Variants in NLGN1 observed in about 807,000 individuals in gnomAD.
NLGN1 encodes neuroligin-1.
In NLGN1, 12 loss-of-function variants were observed where a neutral mutation model predicts 65.5. The ratio of observed to expected loss-of-function variants is 0.18; its 90% CI spans 0.12 to 0.30. NLGN1 has a LOEUF of 0.30. Among genes scored for constraint, NLGN1 ranks in the 10% least tolerant of loss-of-function variants. NLGN1 has a pLI of 1.00. For missense variants in NLGN1, 750 were observed against 1,007.1 expected, an observed-to-expected ratio of 0.74 and a Z score of 3.46; for synonymous variants, 350 against 359.5, an observed-to-expected ratio of 0.97 and a Z score of 0.30.
At chr3:173,603,548 T>C (rs1045559242) in intron 2 of NLGN1, among the ~76,000 whole-genome samples, 2 of 152,122 alleles carry the variant, frequency 1.3e-5, no homozygotes, top group African/African-American at 2.4e-5. Context: ...CTATAATATA[T>C]AGCAAGATGG....
intron 4 of NLGN1, among the ~76,000 whole-genome samples, chr3:174,215,967 C>T (rs1423481510): frequency 6.6e-6 from 1 of 152,068 alleles, no homozygotes; most frequent in African/African-American, 2.4e-5. Flanking sequence ...GCTCCCTCTT[C>T]AACAGTCAAA....
intron 4 of NLGN1, among the ~76,000 whole-genome samples, chr3:174,044,389 G>GTTTTA (rs1257119143): frequency 6.6e-6 from 1 of 152,054 alleles, no homozygotes; most frequent in Admixed American, 6.6e-5. Context: ...ACCTTCCAAA[G>GTTTTA]TTTTATGCTC....
chr3:173,979,432 A>G (rs1392299764), intron 4 of NLGN1, among the ~76,000 whole-genome samples: 2 of 152,186 alleles, frequency 1.3e-5, no homozygotes, highest in African/African-American at 4.8e-5. Flanking sequence ...CAAGGTGAGC[A>G]CAAGGTGAAA....
chr3:173,930,927 G>A (rs1743970210), intron 4 of NLGN1, among the ~76,000 whole-genome samples: 1 of 152,130 alleles, frequency 6.6e-6, no homozygotes, highest in African/African-American at 2.4e-5. Flanking sequence ...CCTATAAAGA[G>A]AAAATAGTAC....
intron 2 of NLGN1, among the ~76,000 whole-genome samples, chr3:173,564,776 T>C (rs1743353359): frequency 6.6e-6 from 1 of 152,254 alleles, no homozygotes; most frequent in African/African-American, 2.4e-5. Flanking sequence ...GTTGTTATTA[T>C]AGCCTAACTG....
intron 4 of NLGN1, among the ~76,000 whole-genome samples, chr3:173,935,625 C>CTT (rs1238969347): frequency 3.0e-5 from 2 of 65,778 alleles, no homozygotes; most frequent in African/African-American, 7.4e-5. Context: ...CACACACACT[C>CTT]TCTCTCTCTC....
At chr3:173,448,000 T>C (rs1173800235) in intron 2 of NLGN1, among the ~76,000 whole-genome samples, 2 of 152,230 alleles carry the variant, frequency 1.3e-5, no homozygotes, top group Admixed American at 1.3e-4. Flanking sequence ...AATCATGTCA[T>C]CTGCAAACAG....
chr3:173,864,110 C>A (rs368106076), intron 4 of NLGN1, among the ~76,000 whole-genome samples: 44 of 152,220 alleles, frequency 2.9e-4, no homozygotes, highest in African/African-American at 1.0e-3. Context: ...CAATAATGGA[C>A]TGTTGAATGG....
chr3:173,655,036 T>G (rs1457459759), intron 3 of NLGN1, among the ~76,000 whole-genome samples: 1 of 152,170 alleles, frequency 6.6e-6, no homozygotes, highest in Non-Finnish European at 1.5e-5. Context: ...CATTATAGTT[T>G]TCTATGAGTA....
At chr3:174,036,251 A>G (rs942400948) in intron 4 of NLGN1, among the ~76,000 whole-genome samples, 7 of 152,190 alleles carry the variant, frequency 4.6e-5, no homozygotes, top group Non-Finnish European at 7.3e-5. Flanking sequence ...TTTTATCCAT[A>G]TTAGTTTTAT....
chr3:173,924,953 A>G (rs1312432818), intron 4 of NLGN1, among the ~76,000 whole-genome samples: 1 of 152,186 alleles, frequency 6.6e-6, no homozygotes, highest in African/African-American at 2.4e-5. Flanking sequence ...AAATATTTAC[A>G]GTATTACCTT....
At chr3:173,832,319 C>G (rs1722752874) in intron 4 of NLGN1, among the ~76,000 whole-genome samples, 2 of 152,152 alleles carry the variant, frequency 1.3e-5, no homozygotes, top group African/African-American at 4.8e-5. Flanking sequence ...CACAAAATTT[C>G]TCATGTTTCT....
intron 2 of NLGN1, among the ~76,000 whole-genome samples, chr3:173,586,923 C>G (rs1005922421): frequency 4.6e-5 from 7 of 152,196 alleles, no homozygotes; most frequent in Admixed American, 3.9e-4. Flanking sequence ...AAAGTTTAAA[C>G]GGATTTTAAA....
intron 4 of NLGN1, among the ~76,000 whole-genome samples, chr3:174,226,430 T>C (rs1366054440): frequency 6.6e-6 from 1 of 152,094 alleles, no homozygotes; most frequent in Non-Finnish European, 1.5e-5. Context: ...TCCAGTTGTT[T>C]TGGGGGTTGT....
intron 4 of NLGN1, among the ~76,000 whole-genome samples, chr3:173,982,514 G>C (rs921133967): frequency 6.6e-6 from 1 of 152,112 alleles, no homozygotes; most frequent in Non-Finnish European, 1.5e-5. Flanking sequence ...TAGATAAGGA[G>C]CCAGAGTATA....
At chr3:174,112,905 A>G (rs1715554611) in intron 4 of NLGN1, among the ~76,000 whole-genome samples, 1 of 151,924 alleles carries the variant, frequency 6.6e-6, no homozygotes, top group South Asian at 2.1e-4. Context: ...CCTTTAATTG[A>G]TCCTCTTAAC....
At chr3:174,287,167 TAAAAA>T (rs1752225593), downstream of NLGN1, among the ~76,000 whole-genome samples, 1 of 151,454 alleles carries the variant, frequency 6.6e-6, no homozygotes, top group Non-Finnish European at 1.5e-5. Context: ...TGGAAACAAT[TAAAAA>T]TAAAATCTAT....
intron 4 of NLGN1, among the ~76,000 whole-genome samples, chr3:173,887,181 C>CA (rs1290823402): frequency 6.6e-6 from 1 of 152,014 alleles, no homozygotes; most frequent in African/African-American, 2.4e-5. Context: ...AGCTTGTAGA[C>CA]ACCACTGAAG....
chr3:173,693,722 A>G (rs1577982286), intron 3 of NLGN1, among the ~76,000 whole-genome samples: 1 of 152,220 alleles, frequency 6.6e-6, no homozygotes, highest in East Asian at 1.9e-4. Context: ...ACAAAAAAAC[A>G]GGAAATGGTG....
Sources: allele counts gnomAD v4.1 joint callset (sites outside exome capture counted in the v4.1 genomes callset), GRCh38; gene constraint gnomAD v4.1.1; transcripts MANE v1.5; gene names NCBI Gene and HGNC (gene_info 2026-07-23, HGNC 2026-07-21).